The following KIAA1671 variants were observed in gnomAD, a reference collection of about 807,000 sequenced individuals.
KIAA1671 encodes KIAA1671, also known as uncharacterized protein KIAA1671.
Under a neutral mutation model 131.2 loss-of-function variants are expected in KIAA1671, and 52 were observed. The ratio of observed to expected loss-of-function variants is 0.40; its 90% confidence interval spans 0.32 to 0.50. The LOEUF (loss-of-function observed/expected upper bound fraction) is 0.50, where lower values mean the gene tolerates loss of function less well. KIAA1671 is among the 20% of genes least tolerant of loss of function. The probability of loss-of-function intolerance (pLI) is 0.73; values close to 1 mark genes in which losing one functional copy is unlikely to be tolerated. For synonymous variants in KIAA1671, 1,003 were observed against 961.6 expected, an observed-to-expected ratio of 1.04 and a Z score of -0.80; for missense variants, 2,360 against 2,364.2, an observed-to-expected ratio of 1.00 and a Z score of 0.04.
intron 8 of KIAA1671, chr22:25,175,701 T>A (rs1933998452): frequency 6.6e-6 from 1 of 152,262 alleles, no homozygotes; most frequent in Admixed American, 6.5e-5. Context: ...ATGTCCATTA[T>A]AAACAACAAT....
chr22:24,986,972 C>G (rs1923578716), intron 1 of KIAA1671, among the ~76,000 whole-genome samples: 1 of 151,824 alleles, frequency 6.6e-6, no homozygotes, highest in African/African-American at 2.4e-5. Context: ...GGCCATAAGA[C>G]CTCTGTCACA....
chr22:25,025,907 C>T (rs1430496195), intron 2 of KIAA1671, 123 bp downstream of exon 2: 1 of 152,264 alleles, frequency 6.6e-6, no homozygotes, highest in Admixed American at 6.5e-5. Context: ...TGTTCTGTGT[C>T]TCATGTCCTG....
chr22:25,032,842 G>A (rs1569211317), intron 4 of KIAA1671, 146 bp downstream of exon 4: 2 of 490,900 alleles, frequency 4.1e-6, no homozygotes, highest in Non-Finnish European at 7.3e-6. Context: ...CTAATGTTGG[G>A]ACTTTGAAGT....
At chr22:25,127,627 A>G (rs1217434534) in intron 6 of KIAA1671, among the ~76,000 whole-genome samples, 2 of 152,168 alleles carry the variant, frequency 1.3e-5, no homozygotes, top group Non-Finnish European at 1.5e-5. Flanking sequence ...TGTCATTAAC[A>G]GCCACGGCTA....
In KIAA1671 at chr22:25,196,662, T is replaced by G. The variant is rs1478597620; in HGVS notation, c.*4261T>G. On this transcript the variant is annotated 3_prime_UTR_variant, in exon 13 of 13. Transcript: ENST00000358431. Reference sequence around the variant, plus strand: ...TATATTGCCCAAGCTGGTCTTAAACTTGGTCTCAAGTGATTCTACTGCCTC... The same window carrying G: ...TATATTGCCCAAGCTGGTCTTAAACGTGGTCTCAAGTGATTCTACTGCCTC... 1 of 152,098 alleles carries G rather than the reference T, an allele frequency of 6.6e-6. No individual in the cohort carries two copies. The highest frequency in any genetic ancestry group is 1.5e-5 in the Non-Finnish European group (1 of 68,030). 9.4% of individuals were successfully genotyped at this position (152,098 alleles called of 1,614,324 possible). A position where few individuals can be genotyped will look rare whatever the true frequency, so the allele number is the denominator to read the frequency against.
At chr22:25,025,073 C>G (rs770461738) in intron 1 of KIAA1671, among the ~76,000 whole-genome samples, 13 of 151,888 alleles carry the variant, frequency 8.6e-5, no homozygotes, top group Non-Finnish European at 1.6e-4. Flanking sequence ...GTACAATGTC[C>G]AAATACCGCT....
intron 6 of KIAA1671, among the ~76,000 whole-genome samples, chr22:25,099,039 G>C (rs1343164661): frequency 6.6e-6 from 1 of 152,188 alleles, no homozygotes; most frequent in African/African-American, 2.4e-5. Flanking sequence ...TGATGGAAAT[G>C]ACGGGGGTGG....
At chr22:25,134,065 C>T (rs1231820466) in intron 6 of KIAA1671, among the ~76,000 whole-genome samples, 2 of 152,226 alleles carry the variant, frequency 1.3e-5, no homozygotes, top group African/African-American at 2.4e-5. Flanking sequence ...GGTGACACCG[C>T]CTCTTTGGAG....
chr22:25,039,036 C>T lies in KIAA1671; in HGVS notation c.1906C>T (p.Pro636Ser). The T allele has an allele frequency of 1.3e-6, 2 of 1,551,718 alleles. No individual in the cohort carries two copies. Among genetic ancestry groups the T allele is most frequent in the East Asian group, 2.4e-5 (1 of 40,924 alleles). Residue 636 changes from proline to serine, a missense_variant, in exon 5 of 13, where the codon CCC (proline) becomes TCC (serine). Coordinates refer to ENST00000358431, the MANE Select transcript of KIAA1671 (RefSeq NM_001145206.2). ...DQSGRCLSTT[P>S]PGDMAHARVS... ...GTCGGGACGTTGTCTCTCCACCACA[C>T]CCCCTGGTGACATGGCCCATGCCCG...
chr22:25,081,396 A>C, intron 6 of KIAA1671, among the ~76,000 whole-genome samples: 1 of 152,158 alleles, frequency 6.6e-6, no homozygotes, highest in Middle Eastern at 3.2e-3. Context: ...TCACCTGACG[A>C]TGAGAAACTC....
chr22:25,000,264 G>C (rs1249490410), intron 1 of KIAA1671, among the ~76,000 whole-genome samples: 2 of 73,502 alleles, frequency 2.7e-5, no homozygotes, highest in Admixed American at 1.5e-4. Flanking sequence ...CGGGATCTCG[G>C]CTCACTGCAA....
intron 1 of KIAA1671, among the ~76,000 whole-genome samples, chr22:24,968,915 GT>G (rs886516949): frequency 1.2e-4 from 18 of 151,730 alleles, no homozygotes; most frequent in African/African-American, 4.1e-4. Flanking sequence ...GTTTTGTTTT[GT>G]TGAGACAGGG....
intron 1 of KIAA1671, among the ~76,000 whole-genome samples, chr22:24,999,717 T>TGTTC (rs1340218947): frequency 2.7e-5 from 4 of 146,766 alleles, no homozygotes; most frequent in Admixed American, 2.0e-4. Context: ...CATGCACCAC[T>TGTTC]ATGCCTGGCT....
chr22:25,189,126 C>CTTTTCT, intron 11 of KIAA1671, among the ~76,000 whole-genome samples: 1 of 114,876 alleles, frequency 8.7e-6, no homozygotes, highest in East Asian at 2.5e-4. Context: ...CAGTCTTTTT[C>CTTTTCT]TTTTTTTTTT....
chr22:25,064,430 C>G (rs1251944812), intron 6 of KIAA1671: 1 of 152,250 alleles, frequency 6.6e-6, no homozygotes, highest in South Asian at 2.1e-4. Flanking sequence ...ATTCATGCCT[C>G]CCAGCGACCC....
intron 6 of KIAA1671, among the ~76,000 whole-genome samples, chr22:25,151,753 T>C (rs1383759231): frequency 6.6e-6 from 1 of 152,090 alleles, no homozygotes; most frequent in East Asian, 1.9e-4. Flanking sequence ...TCTTTTTTTC[T>C]TTTTGAGACA....
intron 1 of KIAA1671, among the ~76,000 whole-genome samples, chr22:24,963,491 G>T (rs1044779564): frequency 1.3e-5 from 2 of 151,994 alleles, no homozygotes; most frequent in African/African-American, 2.4e-5. Flanking sequence ...AGCATCTGGG[G>T]TTGCTTCCTG....
chr22:25,182,182 A>AAAAAACC (rs1555885469), intron 10 of KIAA1671, among the ~76,000 whole-genome samples: 105 of 148,576 alleles, frequency 7.1e-4, no homozygotes, highest in African/African-American at 2.6e-3. Flanking sequence ...CCATCTCAAA[A>AAAAAACC]AAAAAACAAA....
chr22:25,053,378 A>C (rs1267650442), intron 6 of KIAA1671: 4 of 152,170 alleles, frequency 2.6e-5, no homozygotes, highest in African/African-American at 9.7e-5. Flanking sequence ...ACCATAAAAC[A>C]CAGTGACTCA....
Sources: allele counts gnomAD v4.1 joint callset (sites outside exome capture counted in the v4.1 genomes callset), GRCh38; gene constraint gnomAD v4.1.1; transcripts MANE v1.5; gene names NCBI Gene and HGNC (gene_info 2026-07-23, HGNC 2026-07-21).